RSPO2: variants seen among roughly 807,000 people sequenced by gnomAD.
RSPO2 encodes R-spondin 2.
A neutral mutation model predicts 30.9 loss-of-function variants in RSPO2; 14 were observed. That is an observed-to-expected ratio of 0.45 (90% CI 0.30 to 0.71). The LOEUF (loss-of-function observed/expected upper bound fraction) is 0.71, where lower values mean the gene tolerates loss of function less well. Ranked by LOEUF, RSPO2 falls within the 30% of genes least tolerant of loss-of-function variation. The pLI is 0.08. For missense variants in RSPO2, 264 were observed against 301.9 expected, an observed-to-expected ratio of 0.87 and a Z score of 0.93; for synonymous variants, 107 against 96.4, an observed-to-expected ratio of 1.11 and a Z score of -0.64.
chr8:107,901,707 C>T (rs752994222), intron 5 of RSPO2, among the ~76,000 whole-genome samples: 4 of 152,186 alleles, frequency 2.6e-5, no homozygotes, highest in Admixed American at 2.0e-4. Flanking sequence ...GACATATGTG[C>T]AATCCTTTAT....
chr8:107,972,383 T>C (rs1002545562), intron 3 of RSPO2, among the ~76,000 whole-genome samples: 11 of 152,120 alleles, frequency 7.2e-5, no homozygotes, highest in Non-Finnish European at 1.3e-4. Flanking sequence ...TGACCTCCAG[T>C]GATCCACCCT....
chr8:107,916,642 T>G (rs1811992844), intron 5 of RSPO2, among the ~76,000 whole-genome samples: 1 of 152,118 alleles, frequency 6.6e-6, no homozygotes, highest in Admixed American at 6.6e-5. Context: ...AACAGAGTAA[T>G]GGGACAAAAC....
Position 108,082,534 on chromosome 8 carries a change from G to C in RSPO2, c.94+11C>G, listed in dbSNP as rs376963024. 1.9e-6 allele frequency: 3 copies of C among 1,610,736 alleles called. No homozygotes were observed. The highest frequency in any genetic ancestry group is 8.5e-7 in the Non-Finnish European group (1 of 1,176,930). ...AAGCCCACCACGCACCTTTGGCAGA[G>C]AGGGACCCACCTCGCTTACTGCGTC... On this transcript the variant is annotated intron_variant, in intron 2 of 5. Transcript: ENST00000276659.
At chr8:108,021,736 CAG>C (rs976315574) in intron 2 of RSPO2, among the ~76,000 whole-genome samples, 1 of 150,716 alleles carries the variant, frequency 6.6e-6, no homozygotes, top group Non-Finnish European at 1.5e-5. Flanking sequence ...CACATGGACA[CAG>C]GGAGGGGAAC....
intron 2 of RSPO2, among the ~76,000 whole-genome samples, chr8:108,005,046 A>T (rs73317415): frequency 0.084 from 12,810 of 152,104 alleles, 877 homozygotes; most frequent in African/African-American, 0.18. Flanking sequence ...TTTAATCTGG[A>T]GTTCTTTCAT....
intron 2 of RSPO2, among the ~76,000 whole-genome samples, chr8:108,009,626 T>C (rs912750879): frequency 3.3e-5 from 5 of 152,250 alleles, no homozygotes; most frequent in Admixed American, 2.6e-4. Flanking sequence ...AATGCTCAAG[T>C]GGAATTCACT....
intron 3 of RSPO2, among the ~76,000 whole-genome samples, chr8:107,973,494 A>G (rs1457935144): frequency 6.7e-6 from 1 of 149,650 alleles, no homozygotes; most frequent in Non-Finnish European, 1.5e-5. Flanking sequence ...AAGCTTGGGA[A>G]CTGAGTGATA....
chr8:107,950,008 C>T (rs899784906), intron 5 of RSPO2, among the ~76,000 whole-genome samples: 66 of 152,106 alleles, frequency 4.3e-4, no homozygotes, highest in African/African-American at 1.5e-3. Flanking sequence ...GGTGGTGTGA[C>T]GACATCGTCC....
intron 5 of RSPO2, among the ~76,000 whole-genome samples, chr8:107,942,614 C>T (rs571976629): frequency 6.6e-6 from 1 of 152,222 alleles, no homozygotes; most frequent in Admixed American, 6.5e-5. Context: ...AATACAAAAT[C>T]ATGTTTGCCC....
At chr8:107,909,981 C>A (rs1811771299) in intron 5 of RSPO2, among the ~76,000 whole-genome samples, 4 of 152,124 alleles carry the variant, frequency 2.6e-5, no homozygotes, top group African/African-American at 9.7e-5. Flanking sequence ...CCTAAATTAA[C>A]TCAAAATAAA....
intron 2 of RSPO2, among the ~76,000 whole-genome samples, chr8:108,014,702 G>T (rs1167941519): frequency 6.6e-6 from 1 of 152,058 alleles, no homozygotes; most frequent in Non-Finnish European, 1.5e-5. Flanking sequence ...CAGGTGGTGG[G>T]GGGGCTAGGG....
intron 2 of RSPO2, among the ~76,000 whole-genome samples, chr8:108,063,181 G>C (rs1437075931): frequency 2.6e-5 from 4 of 151,742 alleles, no homozygotes; most frequent in African/African-American, 7.3e-5. Flanking sequence ...GTTCTGGCCA[G>C]GGCAATCAGG....
rs745807061 is a variant in RSPO2, at chr8:108,063,239, T to C, written c.94+19306A>G. Reference sequence around the variant, plus strand: ...TTCAACTAGGAAAAGAGGAAGTCAATTGTCCCCGTTTGAAGATGACATGAT... The same window carrying C: ...TTCAACTAGGAAAAGAGGAAGTCAACTGTCCCCGTTTGAAGATGACATGAT... On this transcript the variant is annotated intron_variant, in intron 2 of 5. Transcript: ENST00000276659. Among the ~76,000 whole-genome samples, 43 of 151,754 alleles carry C rather than the reference T, an allele frequency of 2.8e-4. 1 individual carries two copies. Among genetic ancestry groups the C allele is most frequent in the Non-Finnish European group, 5.7e-4 (39 of 68,008 alleles).
At chr8:108,055,473 TGTCCTAAG>T (rs1370825360) in intron 2 of RSPO2, among the ~76,000 whole-genome samples, 1 of 152,158 alleles carries the variant, frequency 6.6e-6, no homozygotes, top group African/African-American at 2.4e-5. Flanking sequence ...AATTCTTGGC[TGTCCTAAG>T]GAGAATGGAT....
chr8:107,982,877 CT>C (rs1814496092), intron 3 of RSPO2, among the ~76,000 whole-genome samples: 1 of 152,170 alleles, frequency 6.6e-6, no homozygotes, highest in Non-Finnish European at 1.5e-5. Flanking sequence ...TCCTTGCTTT[CT>C]GTTAAATGTC....
intron 2 of RSPO2, among the ~76,000 whole-genome samples, chr8:108,062,983 C>G (rs1418040037): frequency 6.6e-6 from 1 of 151,746 alleles, no homozygotes; most frequent in African/African-American, 2.4e-5. Context: ...ATTCAACTGC[C>G]CTTCATGCTA....
chr8:107,913,235 A>C (rs1488702207), intron 5 of RSPO2, among the ~76,000 whole-genome samples: 1 of 152,104 alleles, frequency 6.6e-6, no homozygotes, highest in Non-Finnish European at 1.5e-5. Flanking sequence ...GACTTACATA[A>C]ATATAATCCT....
At chr8:108,055,439 A>G (rs1449623623) in intron 2 of RSPO2, among the ~76,000 whole-genome samples, 1 of 152,122 alleles carries the variant, frequency 6.6e-6, no homozygotes, top group Non-Finnish European at 1.5e-5. Flanking sequence ...GGGGGGGAGA[A>G]TTGCTGATTT....
chr8:107,984,477 A>G (rs761549985), intron 3 of RSPO2, among the ~76,000 whole-genome samples: 53 of 152,354 alleles, frequency 3.5e-4, no homozygotes, highest in Admixed American at 1.3e-3. Context: ...AGATGAAACT[A>G]TATGTGCCAC....
Sources: allele counts gnomAD v4.1 joint callset (sites outside exome capture counted in the v4.1 genomes callset), GRCh38; gene constraint gnomAD v4.1.1; transcripts MANE v1.5; gene names NCBI Gene and HGNC (gene_info 2026-07-23, HGNC 2026-07-21).